Variants in EPHA6 observed in about 807,000 individuals in gnomAD.
EPHA6 encodes EPH receptor A6, also known as ephrin type-A receptor 6.
Under a neutral mutation model 112.0 loss-of-function variants are expected in EPHA6, and 50 were observed. The observed-to-expected ratio is 0.45, with a 90% CI of 0.36 to 0.56. The LOEUF (loss-of-function observed/expected upper bound fraction) is 0.56. EPHA6 is among the 20% of genes least tolerant of loss of function. The pLI is 0.00. For missense variants in EPHA6, 1,280 were observed against 1,417.4 expected, an observed-to-expected ratio of 0.90 and a Z score of 1.56; for synonymous variants, 529 against 490.7, an observed-to-expected ratio of 1.08 and a Z score of -1.03.
chr3:97,176,872 TC>T (rs1425317789), intron 3 of EPHA6, among the ~76,000 whole-genome samples: 3 of 151,848 alleles, frequency 2.0e-5, no homozygotes, highest in Non-Finnish European at 4.4e-5. Flanking sequence ...TATTTTTTTT[TC>T]ATTTCAATTT....
At chr3:97,346,271 T>C (rs1224123905) in intron 5 of EPHA6, among the ~76,000 whole-genome samples, 3 of 152,112 alleles carry the variant, frequency 2.0e-5, no homozygotes, top group African/African-American at 7.2e-5. Flanking sequence ...TAAGTTCCTC[T>C]CAAGAGAGGC....
At chr3:97,355,602 A>G (rs947099496) in intron 5 of EPHA6, among the ~76,000 whole-genome samples, 3 of 152,202 alleles carry the variant, frequency 2.0e-5, no homozygotes, top group African/African-American at 7.2e-5. Context: ...GAAGATAGGA[A>G]GGAAAGGAAA....
chr3:97,067,153 A>G lies in EPHA6; in HGVS notation c.1114+79160A>G, dbSNP rs889406112. Among the ~76,000 whole-genome samples, 42 of 152,234 alleles carry G rather than the reference A, an allele frequency of 2.8e-4. No homozygotes were observed. The South Asian group carries it at 3.9e-3, about 14-fold the overall frequency. ...AATGGTAAATTTCCAAAGTGTTCATAATTTAGTTTTTGTTGCCTGCCAGTG... is the reference window on the plus strand; with the variant it reads ...AATGGTAAATTTCCAAAGTGTTCATGATTTAGTTTTTGTTGCCTGCCAGTG... On this transcript the variant is annotated intron_variant, in intron 3 of 17. Transcript: ENST00000389672.
chr3:97,556,243 G>C (rs1370995358), intron 11 of EPHA6, among the ~76,000 whole-genome samples: 1 of 152,006 alleles, frequency 6.6e-6, no homozygotes, highest in East Asian at 1.9e-4. Flanking sequence ...GCTTCCTCGT[G>C]TGACCCTTTT....
At chr3:97,738,301 C>T (rs1417651117) in intron 16 of EPHA6, among the ~76,000 whole-genome samples, 1 of 151,986 alleles carries the variant, frequency 6.6e-6, no homozygotes, top group Admixed American at 6.6e-5. Context: ...AGTGAGTCTG[C>T]ATTAATGGAA....
At chr3:96,933,003 G>A (rs2040403072) in intron 2 of EPHA6, among the ~76,000 whole-genome samples, 1 of 152,100 alleles carries the variant, frequency 6.6e-6, no homozygotes, top group African/African-American at 2.4e-5. Context: ...CAGAGTCTAT[G>A]TGTCTTTGTT....
intron 10 of EPHA6, among the ~76,000 whole-genome samples, chr3:97,518,569 T>C (rs775579130): frequency 1.5e-4 from 23 of 151,720 alleles, no homozygotes; most frequent in African/African-American, 4.8e-4. Flanking sequence ...CTGTTTTCCA[T>C]AGTGGCTATA....
At chr3:97,495,245 CTA>C (rs1048458124) in intron 10 of EPHA6, among the ~76,000 whole-genome samples, 1 of 150,374 alleles carries the variant, frequency 6.7e-6, no homozygotes, top group African/African-American at 2.4e-5. Flanking sequence ...TAGGTCTACA[CTA>C]TATATATATG....
At chr3:97,388,484 A>G (rs1186847982) in intron 5 of EPHA6, among the ~76,000 whole-genome samples, 2 of 152,162 alleles carry the variant, frequency 1.3e-5, no homozygotes, top group Admixed American at 1.3e-4. Context: ...CAATCTTAAC[A>G]AGGAAAGAGG....
chr3:97,547,048 G>A (rs1413851432), intron 11 of EPHA6, among the ~76,000 whole-genome samples: 1 of 152,100 alleles, frequency 6.6e-6, no homozygotes, highest in Admixed American at 6.6e-5. Flanking sequence ...ATCGTCTGAA[G>A]CCTTCTTCTG....
At chr3:96,972,990 G>C (rs1442760402) in intron 2 of EPHA6, among the ~76,000 whole-genome samples, 5 of 152,094 alleles carry the variant, frequency 3.3e-5, no homozygotes, top group Admixed American at 3.3e-4. Context: ...GCCTAGAAAG[G>C]CTGTTTGATT....
chr3:97,657,963 T>G (rs1420741344), intron 14 of EPHA6, among the ~76,000 whole-genome samples: 1 of 151,700 alleles, frequency 6.6e-6, no homozygotes, highest in East Asian at 1.9e-4. Context: ...CATCATTAGA[T>G]AGGACAGAAG....
intron 4 of EPHA6, among the ~76,000 whole-genome samples, chr3:97,236,939 T>A (rs1219380625): frequency 6.6e-6 from 1 of 152,026 alleles, no homozygotes; most frequent in Non-Finnish European, 1.5e-5. Flanking sequence ...AATCCAAGCA[T>A]CCCTGTTCTG....
intron 3 of EPHA6, chr3:96,994,214 T>C (rs1280583165): frequency 4.9e-6 from 2 of 412,170 alleles, no homozygotes; most frequent in South Asian, 2.3e-5. Flanking sequence ...CAAACACGAA[T>C]AATTTGGGTT....
intron 2 of EPHA6, among the ~76,000 whole-genome samples, chr3:96,933,126 C>T (rs2040413249): frequency 6.6e-6 from 1 of 152,048 alleles, no homozygotes; most frequent in Non-Finnish European, 1.5e-5. Flanking sequence ...CAGGAGGATT[C>T]CTCAATCAGG....
At chr3:97,354,460 A>C (rs1324238287) in intron 5 of EPHA6, among the ~76,000 whole-genome samples, 2 of 152,090 alleles carry the variant, frequency 1.3e-5, no homozygotes, top group African/African-American at 2.4e-5. Context: ...TGAAAAATAC[A>C]ATTGACATAC....
chr3:96,845,640 G>A (rs1196260279), intron 1 of EPHA6, among the ~76,000 whole-genome samples: 2 of 151,500 alleles, frequency 1.3e-5, no homozygotes, highest in South Asian at 2.1e-4. Flanking sequence ...GAAAACTAAT[G>A]TGTTAATTAT....
At position 97,711,408 on chromosome 3, in the gene EPHA6, G is replaced by GATATATAT. The variant is rs199791129; in HGVS notation, c.2785-8841_2785-8834dup. ...TTCTCCAGAGAAACAGAACCATTAG[G>GATATATAT]ATATATATATATATATATAATTATG... is the stretch of plus-strand genomic sequence containing the variant. On this transcript the variant is annotated intron_variant, in intron 14 of 17. Transcript: ENST00000389672. Among the ~76,000 whole-genome samples, 14 of 146,982 alleles carry GATATATAT rather than the reference G, an allele frequency of 9.5e-5. No individual in the cohort carries two copies. In the South Asian group the frequency reaches 2.8e-3, roughly 30 times the overall value.
intron 3 of EPHA6, among the ~76,000 whole-genome samples, chr3:97,016,828 C>A (rs1346678011): frequency 1.3e-5 from 2 of 152,168 alleles, no homozygotes; most frequent in Non-Finnish European, 2.9e-5. Context: ...CTTTTGCCTG[C>A]TCTTTAATTC....
Sources: gnomAD v4.1 joint callset for allele counts (sites outside exome capture counted in the v4.1 genomes callset) on GRCh38, gnomAD v4.1.1 for gene constraint, MANE v1.5 for transcripts, NCBI Gene and HGNC (gene_info 2026-07-23, HGNC 2026-07-21) for gene names.